CAMKMT: variants seen among roughly 807,000 people sequenced by gnomAD.
CAMKMT encodes calmodulin-lysine N-methyltransferase.
CAMKMT carries 53 observed loss-of-function variants against 48.0 expected under a neutral mutation model. The observed-to-expected ratio is 1.10, with a 90% CI of 0.89 to 1.39. CAMKMT has a LOEUF of 1.39. Ranked by LOEUF, CAMKMT falls within the 40% of genes most tolerant of loss-of-function variation. CAMKMT has a pLI of 0.00. For missense variants in CAMKMT, 428 were observed against 402.7 expected (o/e 1.06, Z -0.54); for synonymous variants, 165 against 152.3 (o/e 1.08, Z -0.61).
At chr2:44,378,790 C>T (rs1013613433) in intron 2 of CAMKMT, among the ~76,000 whole-genome samples, 10 of 152,202 alleles carry the variant, frequency 6.6e-5, no homozygotes. Flanking sequence ...CCGCGCCTGG[C>T]CTAGAATTAA....
At chr2:44,743,775 A>T in intron 8 of CAMKMT, 79 bp downstream of exon 8, 11 of 1,051,950 alleles carry the variant, frequency 1.0e-5, no homozygotes, top group South Asian at 1.4e-5. Flanking sequence ...TGCTTAGCTG[A>T]CGGCTAAGCA....
At chr2:44,562,662 G>A (rs1668384551) in intron 3 of CAMKMT, among the ~76,000 whole-genome samples, 1 of 152,170 alleles carries the variant, frequency 6.6e-6, no homozygotes, top group Non-Finnish European at 1.5e-5. Context: ...CTGGGTTCAA[G>A]CAATTCTTCT....
At chr2:44,596,247 G>T (rs926441213) in intron 3 of CAMKMT, among the ~76,000 whole-genome samples, 1 of 151,882 alleles carries the variant, frequency 6.6e-6, no homozygotes, top group African/African-American at 2.4e-5. Context: ...TCAGGAGTTC[G>T]AGACCAGCCT....
intron 3 of CAMKMT, among the ~76,000 whole-genome samples, chr2:44,577,747 C>G (rs949950594): frequency 6.6e-6 from 1 of 151,914 alleles, no homozygotes; most frequent in African/African-American, 2.4e-5. Context: ...GGACGAGATC[C>G]TCCCTTTACT....
chr2:44,392,942 G>T (rs561160630), intron 3 of CAMKMT, among the ~76,000 whole-genome samples: 4 of 152,096 alleles, frequency 2.6e-5, no homozygotes, highest in African/African-American at 9.6e-5. Context: ...TTTATTTTAA[G>T]AATTTGTTTC....
chr2:44,710,102 T>G (rs951205600), intron 6 of CAMKMT, among the ~76,000 whole-genome samples: 2 of 151,616 alleles, frequency 1.3e-5, no homozygotes, highest in Admixed American at 6.6e-5. Flanking sequence ...ATTTTTACCT[T>G]TTTTTAAAAA....
chr2:44,765,530 TTA>T (rs397952215), intron 9 of CAMKMT, among the ~76,000 whole-genome samples: 7,869 of 145,904 alleles, frequency 0.054, 214 homozygotes, highest in South Asian at 0.069. Flanking sequence ...ATTTTTTTTT[TTA>T]AAAAAAAAAA....
intron 3 of CAMKMT, among the ~76,000 whole-genome samples, chr2:44,591,943 C>T (rs562910814): frequency 2.4e-4 from 37 of 152,038 alleles, no homozygotes; most frequent in African/African-American, 8.7e-4. Context: ...AATCATCATT[C>T]TCAGTAAAGT....
intron 9 of CAMKMT, among the ~76,000 whole-genome samples, chr2:44,758,019 G>A (rs1363658785): frequency 1.3e-5 from 2 of 152,182 alleles, no homozygotes; most frequent in Non-Finnish European, 2.9e-5. Context: ...CCTGTAGCAG[G>A]CCCTGTACTG....
chr2:44,363,689 T>C (rs1053944311), intron 1 of CAMKMT, among the ~76,000 whole-genome samples: 16 of 117,388 alleles, frequency 1.4e-4, no homozygotes, highest in Non-Finnish European at 2.8e-4. Flanking sequence ...AACCCCCTTC[T>C]TTTTTTTTTT....
At chr2:44,761,964 A>C (rs958334273) in intron 9 of CAMKMT, among the ~76,000 whole-genome samples, 2 of 152,204 alleles carry the variant, frequency 1.3e-5, no homozygotes, top group Non-Finnish European at 2.9e-5. Context: ...GCAATGGTGA[A>C]AGCTATAGTT....
At chr2:44,683,927 G>T (rs566555265) in intron 3 of CAMKMT, among the ~76,000 whole-genome samples, 3 of 151,568 alleles carry the variant, frequency 2.0e-5, no homozygotes, top group Non-Finnish European at 4.4e-5. Context: ...TCTTCCAAAA[G>T]GTTATTGTTT....
intron 3 of CAMKMT, among the ~76,000 whole-genome samples, chr2:44,421,479 G>A (rs1201222730): frequency 6.6e-6 from 1 of 151,970 alleles, no homozygotes; most frequent in South Asian, 2.1e-4. Flanking sequence ...AATTTTCTCA[G>A]TAATGTGTCA....
intron 2 of CAMKMT, among the ~76,000 whole-genome samples, chr2:44,381,007 A>G (rs1403935530): frequency 6.6e-6 from 1 of 152,110 alleles, no homozygotes; most frequent in Non-Finnish European, 1.5e-5. Flanking sequence ...TAAAAATACA[A>G]AAATTAGCCG....
chr2:44,509,424 C>G (rs535624971), intron 3 of CAMKMT, among the ~76,000 whole-genome samples: 2 of 152,268 alleles, frequency 1.3e-5, no homozygotes, highest in Admixed American at 6.5e-5. Flanking sequence ...ATCTTCCCAC[C>G]TCAGCCTTCT....
intron 3 of CAMKMT, among the ~76,000 whole-genome samples, chr2:44,575,852 G>A (rs993492926): frequency 6.6e-6 from 1 of 151,832 alleles, no homozygotes; most frequent in Non-Finnish European, 1.5e-5. Flanking sequence ...GTGAGACCCT[G>A]TCTCAAAAAA....
rs372163213 is a variant in CAMKMT, at chr2:44,420,266, GTC to G, written c.376+29964_376+29965del. On this transcript the variant is annotated intron_variant, in intron 3 of 10. Coordinates refer to ENST00000378494, the MANE Select transcript of CAMKMT (RefSeq NM_024766.5). ...TATTTCTGCATAATTATATGGTCAA[GTC>G]TCAGACTGTTTTCTAATTAATATTT... is the stretch of plus-strand genomic sequence containing the variant. Among the ~76,000 whole-genome samples, 18 of 152,246 alleles carry G rather than the reference GTC, an allele frequency of 1.2e-4. No individual in the cohort carries two copies. In the East Asian group the frequency reaches 3.3e-3, roughly 28 times the overall value.
intron 3 of CAMKMT, chr2:44,456,824 C>T (rs996554682): frequency 1.9e-5 from 9 of 472,502 alleles, no homozygotes; most frequent in Non-Finnish European, 2.9e-5. Flanking sequence ...TTCTCCTTCT[C>T]CAGCCCAATT....
At position 44,743,616 on chromosome 2, in the gene CAMKMT, C is replaced by T; in HGVS notation, c.624-6C>T. On this transcript the variant is annotated splice_polypyrimidine_tract_variant and splice_region_variant and intron_variant, in intron 7 of 10. Transcript: ENST00000378494. ...GTATAATTTTTAAAATCTTTTTCTC[C>T]TCAAGCGTTTTACGATGGGATAATG... 6.2e-7 allele frequency: 1 copy of T among 1,605,946 alleles called. No homozygotes were observed. The highest frequency in any genetic ancestry group is 8.5e-7 in the Non-Finnish European group (1 of 1,175,920).
Sources: allele counts gnomAD v4.1 joint callset (sites outside exome capture counted in the v4.1 genomes callset), GRCh38; gene constraint gnomAD v4.1.1; transcripts MANE v1.5; gene names NCBI Gene and HGNC (gene_info 2026-07-23, HGNC 2026-07-21).